The following ATF1 variants were observed in gnomAD, a reference collection of about 807,000 sequenced individuals.
The protein encoded by ATF1 is activating transcription factor 1.
Under a neutral mutation model 34.7 loss-of-function variants are expected in ATF1, and 16 were observed. The ratio of observed to expected loss-of-function variants is 0.46; its 90% CI spans 0.31 to 0.70. The LOEUF (loss-of-function observed/expected upper bound fraction) is 0.70, where lower values mean the gene tolerates loss of function less well. Among genes scored for constraint, ATF1 ranks in the 30% least tolerant of loss-of-function variants. The pLI, the probability that ATF1 is intolerant of heterozygous loss-of-function variation, is 0.05. For missense variants in ATF1, 255 were observed against 321.6 expected, an observed-to-expected ratio of 0.79 and a Z score of 1.58; for synonymous variants, 105 against 113.1, an observed-to-expected ratio of 0.93 and a Z score of 0.46.
intron 6 of ATF1, 53 bp downstream of exon 6, chr12:50,814,492 A>C: frequency 1.9e-6 from 3 of 1,553,506 alleles, no homozygotes; most frequent in Non-Finnish European, 2.6e-6. Context: ...CAAATCTCAC[A>C]ACATAACCAG....
chr12:50,792,578 T>G (rs985988868), intron 2 of ATF1, among the ~76,000 whole-genome samples: 3 of 145,276 alleles, frequency 2.1e-5, no homozygotes, highest in African/African-American at 7.7e-5. Flanking sequence ...ACCCTGAGTC[T>G]TCAGATACAT....
chr12:50,769,638 T>C (rs142638010), intron 1 of ATF1, among the ~76,000 whole-genome samples: 1 of 152,352 alleles, frequency 6.6e-6, no homozygotes, highest in South Asian at 2.1e-4. Context: ...ATAATTCTAA[T>C]ATGATTTAGT....
At chr12:50,774,128 T>A (rs1002600478) in intron 1 of ATF1, among the ~76,000 whole-genome samples, 12 of 151,990 alleles carry the variant, frequency 7.9e-5, no homozygotes, top group Admixed American at 7.9e-4. Flanking sequence ...GCTTCCTGGG[T>A]TCAAGCAATT....
intron 3 of ATF1, among the ~76,000 whole-genome samples, chr12:50,807,065 CAT>C (rs773854175): frequency 7.9e-5 from 12 of 152,154 alleles, no homozygotes; most frequent in Admixed American, 2.6e-4. Context: ...ATAAGGAAGA[CAT>C]GTAGCAATTA....
At chr12:50,766,423 C>T (rs922237115) in intron 1 of ATF1, among the ~76,000 whole-genome samples, 10 of 152,062 alleles carry the variant, frequency 6.6e-5, no homozygotes, top group African/African-American at 2.2e-4. Context: ...ATCTGCCTTG[C>T]GCTCTTTGCT....
intron 1 of ATF1, among the ~76,000 whole-genome samples, chr12:50,777,277 T>G (rs1436613733): frequency 6.6e-6 from 1 of 152,178 alleles, no homozygotes; most frequent in Non-Finnish European, 1.5e-5. Context: ...TAAGAAGTTG[T>G]GGAAATAGAA....
intron 3 of ATF1, among the ~76,000 whole-genome samples, chr12:50,806,167 GA>G (rs527409817): frequency 7.4e-4 from 111 of 149,864 alleles, no homozygotes; most frequent in African/African-American, 2.7e-3. Context: ...AAAAAAAAAA[GA>G]AAAAAATAAT....
intron 2 of ATF1, among the ~76,000 whole-genome samples, chr12:50,793,944 ATTTATT>A (rs879588639): frequency 6.6e-6 from 1 of 151,558 alleles, no homozygotes; most frequent in East Asian, 2.0e-4. Flanking sequence ...GTTATTTTTT[ATTTATT>A]TTTATTTTTA....
chr12:50,783,866 G>GAA (rs34062008), intron 2 of ATF1, among the ~76,000 whole-genome samples: 4 of 129,746 alleles, frequency 3.1e-5, no homozygotes, highest in African/African-American at 5.8e-5. Flanking sequence ...AACTCCGTCT[G>GAA]AAAAAAAAAA....
At chr12:50,789,788 C>T (rs1041309244) in intron 2 of ATF1, among the ~76,000 whole-genome samples, 1 of 151,990 alleles carries the variant, frequency 6.6e-6, no homozygotes, top group Non-Finnish European at 1.5e-5. Context: ...ATTGGGGGAC[C>T]AGGTCCTCCC....
intron 3 of ATF1, among the ~76,000 whole-genome samples, chr12:50,801,319 TA>T (rs35513065): frequency 2.0e-5 from 3 of 151,112 alleles, no homozygotes; most frequent in African/African-American, 7.3e-5. Flanking sequence ...GAGCAACTAC[TA>T]AAAAAAAACT....
chr12:50,816,633 G>A (rs1022635653), intron 6 of ATF1, among the ~76,000 whole-genome samples: 1 of 151,626 alleles, frequency 6.6e-6, no homozygotes, highest in East Asian at 2.0e-4. Context: ...TGGCTCACAC[G>A]TGTAATCCCA....
intron 1 of ATF1, among the ~76,000 whole-genome samples, chr12:50,765,006 C>A (rs944943198): frequency 2.4e-4 from 37 of 152,328 alleles, no homozygotes; most frequent in African/African-American, 8.7e-4. Flanking sequence ...TGTCAAAAAA[C>A]GAAGCCTGGC....
rs1252001135 is a variant in ATF1 at position 50,819,782 on chromosome 12, C to T, written c.*3C>T. 1 of 1,500,788 alleles carries T rather than the reference C, an allele frequency of 6.7e-7. No homozygotes were observed. Among genetic ancestry groups the T allele is most frequent in the Non-Finnish European group, 9.0e-7 (1 of 1,107,852 alleles). 93.0% of individuals were successfully genotyped at this position (1,500,788 alleles called of 1,614,324 possible). On this transcript the variant is annotated 3_prime_UTR_variant, in exon 7 of 7. Coordinates refer to ENST00000262053, the MANE Select transcript of ATF1 (RefSeq NM_005171.5). The stretch of plus-strand genomic sequence containing the variant: ...TTTATTCCAATAAAAGTGTTTGATT[C>T]CTAAGAAAGAAAATATTTTTGTGGA...
At chr12:50,786,850 A>G (rs1014722614) in intron 2 of ATF1, among the ~76,000 whole-genome samples, 5 of 152,260 alleles carry the variant, frequency 3.3e-5, no homozygotes, top group African/African-American at 1.2e-4. Context: ...AGCAACAGCA[A>G]TCTACCCCTG....
intron 6 of ATF1, among the ~76,000 whole-genome samples, chr12:50,817,992 A>AT (rs11426539): frequency 0.41 from 62,141 of 151,742 alleles, 13,475 homozygotes; most frequent in African/African-American, 0.54. Context: ...ACATTCTGGC[A>AT]TTTTTTCCCT....
rs150274358 is a variant in ATF1, at chr12:50,767,966, G to C, written c.-7+3659G>C. 1.1e-3 allele frequency among the ~76,000 whole-genome samples: 167 copies of C among 151,386 alleles called. 1 individual carries two copies. Among genetic ancestry groups the C allele is most frequent in the African/African-American group, 3.7e-3 (152 of 41,196 alleles). On this transcript the variant is annotated intron_variant, in intron 1 of 6. Transcript: ENST00000262053. Reference sequence around the variant, plus strand: ...CAGCTCACTGCAACCTCCGCCTCCCGAGTTCAAGTGATTTGCCTGCGTCAT... The same window carrying C: ...CAGCTCACTGCAACCTCCGCCTCCCCAGTTCAAGTGATTTGCCTGCGTCAT...
At chr12:50,782,943 G>A (rs1408986901) in intron 2 of ATF1, among the ~76,000 whole-genome samples, 2 of 152,022 alleles carry the variant, frequency 1.3e-5, no homozygotes, top group Non-Finnish European at 1.5e-5. Flanking sequence ...ACCCACCTTG[G>A]CCTCCCAAAG....
intron 2 of ATF1, among the ~76,000 whole-genome samples, chr12:50,791,070 C>T (rs2139664796): frequency 6.6e-6 from 1 of 152,170 alleles, no homozygotes; most frequent in South Asian, 2.1e-4. Context: ...CTTGGCATGA[C>T]AAAAGCCATT....
Sources: allele counts gnomAD v4.1 joint callset (sites outside exome capture counted in the v4.1 genomes callset), GRCh38; gene constraint gnomAD v4.1.1; transcripts MANE v1.5; gene names NCBI Gene and HGNC (gene_info 2026-07-23, HGNC 2026-07-21).